Variants in TET3 observed in about 807,000 individuals in gnomAD.
TET3 encodes the protein tet methylcytosine dioxygenase 3.
In TET3, 19 loss-of-function variants were observed where a neutral mutation model predicts 141.4. That is an observed-to-expected ratio of 0.13 (90% CI 0.09 to 0.20). The LOEUF is 0.20. Ranked by LOEUF, TET3 falls within the 10% of genes least tolerant of loss-of-function variation. TET3 has a pLI of 1.00. For missense variants in TET3, 1,874 were observed against 2,356.9 expected (o/e 0.80, Z 4.24); for synonymous variants, 1,043 against 980.9 (o/e 1.06, Z -1.18).
the TET3 span, among the ~76,000 whole-genome samples, chr2:74,123,774 G>A: frequency 6.6e-6 from 1 of 151,840 alleles, no homozygotes; most frequent in Admixed American, 6.6e-5. Context: ...GGGAAGTGAG[G>A]AGCGCCTCTT....
chr2:74,074,561 C>T (rs929382902), intron 5 of TET3, among the ~76,000 whole-genome samples: 3 of 152,234 alleles, frequency 2.0e-5, no homozygotes. Context: ...GAGTCTATGG[C>T]TCAGGGGCTG....
In TET3 at chr2:73,988,645, A is replaced by G. The variant is rs193236485; in HGVS notation, c.303+1939A>G. 5.8e-4 allele frequency among the ~76,000 whole-genome samples: 89 copies of G among 152,266 alleles called. No individual in the cohort carries two copies. The East Asian group carries it at 0.013, about 22-fold the overall frequency. ...ATCCCTGTTGACCTTGCCATGGCCA[A>G]CTGCCTCTCTAAGCCCCAGGGTCAG... On this transcript the variant is annotated intron_variant, in intron 2 of 11. Transcript: ENST00000409262.
In TET3 at chr2:74,092,429, T is replaced by TCTGGG. The variant is rs569626705; in HGVS notation, c.3040-448_3040-444dup. 1.8e-3 allele frequency among the ~76,000 whole-genome samples: 269 copies of TCTGGG among 152,174 alleles called. 3 individuals are homozygous for TCTGGG. Among genetic ancestry groups the TCTGGG allele is most frequent in the South Asian group, 0.017 (80 of 4,814 alleles). ...TCTGTATTCCTGGCTTATGACAGGC[T>TCTGGG]CTGGGCTGGGCTGGGCTGGGCTGGG... On this transcript the variant is annotated intron_variant, in intron 8 of 11. Coordinates refer to ENST00000409262, the MANE Select transcript of TET3 (RefSeq NM_001287491.2).
chr2:74,054,057 G>A (rs1385638871), intron 4 of TET3, among the ~76,000 whole-genome samples: 1 of 152,140 alleles, frequency 6.6e-6, no homozygotes, highest in African/African-American at 2.4e-5. Context: ...AGTTTATGCA[G>A]ATGAAAGACA....
Position 74,047,274 on chromosome 2 carries a change from C to A in TET3, c.1357C>A (p.Pro453Thr), listed in dbSNP as rs370240206. 1 of 1,613,910 alleles carries A rather than the reference C, an allele frequency of 6.2e-7. No individual in the cohort carries two copies. Among genetic ancestry groups the A allele is most frequent in the Non-Finnish European group, 8.5e-7 (1 of 1,179,910 alleles). The stretch of plus-strand genomic sequence containing the variant: ...AACGCCCCGGAGCTCCTGGCCCATG[C>A]CTCGCCCAAGCCCCGATCCCATGGC... ...PATPRSSWPM[P>T]RPSPDPMAEL... Residue 453 changes from proline (P) to threonine (T), a missense_variant, in exon 4 of 12, where the codon CCT becomes ACT. Pro to Thr is a conservative substitution (Grantham distance 38). Coordinates refer to ENST00000409262, the MANE Select transcript of TET3 (RefSeq NM_001287491.2).
chr2:74,020,182 G>A (rs187836994), intron 3 of TET3, among the ~76,000 whole-genome samples: 6 of 152,140 alleles, frequency 3.9e-5, no homozygotes, highest in East Asian at 1.9e-4. Flanking sequence ...TTACCATAGC[G>A]TTTGCATTTG....
chr2:74,041,101 C>A (rs1687314305), intron 3 of TET3, among the ~76,000 whole-genome samples: 1 of 152,154 alleles, frequency 6.6e-6, no homozygotes, highest in Non-Finnish European at 1.5e-5. Context: ...TCCGCATCTC[C>A]ATTGATAAGA....
chr2:74,103,651 G>A lies in TET3; in HGVS notation c.*1475G>A, dbSNP rs1691351330. The A allele has an allele frequency of 1.3e-5, 2 of 152,734 alleles. No individual in the cohort carries two copies. The highest frequency in any genetic ancestry group is 4.8e-5 in the African/African-American group (2 of 41,418). The allele number at this position is 152,734 out of a possible 1,614,324, so 9.5% of individuals were successfully genotyped here. On this transcript the variant is annotated 3_prime_UTR_variant, in exon 12 of 12. Transcript: ENST00000409262. Reference sequence around the variant, plus strand: ...CGGTTCTTTGAAATGAGAATGTGGTGCTTAATTTTTGTGACGTTGTCGAGA... The same window carrying A: ...CGGTTCTTTGAAATGAGAATGTGGTACTTAATTTTTGTGACGTTGTCGAGA...
At chr2:74,030,612 T>G (rs1048803919) in intron 3 of TET3, among the ~76,000 whole-genome samples, 2 of 152,222 alleles carry the variant, frequency 1.3e-5, no homozygotes, top group Non-Finnish European at 2.9e-5. Context: ...ATTTATTTAC[T>G]TATTTATTTT....
At chr2:74,090,816 A>G (rs557635770) in intron 8 of TET3, among the ~76,000 whole-genome samples, 7 of 152,342 alleles carry the variant, frequency 4.6e-5, no homozygotes, top group Non-Finnish European at 1.0e-4. Context: ...GGAAGGCACA[A>G]GCCTATCCAG....
intron 5 of TET3, among the ~76,000 whole-genome samples, chr2:74,078,464 A>G (rs1464333881): frequency 6.6e-6 from 1 of 152,212 alleles, no homozygotes; most frequent in Non-Finnish European, 1.5e-5. Flanking sequence ...ATGTCAGTAC[A>G]TACAATTCTA....
In TET3 at chr2:74,047,587, C is replaced by A. The variant is rs765245775; in HGVS notation, c.1670C>A (p.Pro557His). 6.2e-7 allele frequency: 1 copy of A among 1,613,960 alleles called. No individual in the cohort carries two copies. Among genetic ancestry groups the A allele is most frequent in the African/African-American group, 1.3e-5 (1 of 75,064 alleles). ...SFPAPSEPSA[P>H]GWWPPPSSPV... ...CCTGCTCCTTCAGAGCCTTCTGCTC[C>A]TGGCTGGTGGCCCCCACCAAGTTCA... The change falls in exon 4 of 12, where the codon CCT (proline) becomes CAT (histidine). Residue 557 changes from proline (P) to histidine (H), a missense_variant. Pro to His is a moderately conservative substitution (Grantham distance 77). Coordinates refer to ENST00000409262, the MANE Select transcript of TET3 (RefSeq NM_001287491.2).
chr2:74,101,271 G>C lies in TET3; in HGVS notation c.4483G>C (p.Gly1495Arg), dbSNP rs201927778. Residue 1495 changes from glycine to arginine, a missense_variant, in exon 12 of 12, where the codon GGT (glycine) becomes CGT (arginine). Physicochemically the swap from Gly to Arg is moderately radical, Grantham distance 125. This residue lies in a region of TET3 where 602 missense variants were observed against 590.2 expected (regional missense o/e 1.02). Transcript: ENST00000409262. This position sits in a 1 kb window ranked among gnomAD's most constrained non-coding sequence, Gnocchi z 8.5. ...FTDGQWGLFPGEGQQAASHSG... is the reference protein window; with the variant it reads ...FTDGQWGLFPREGQQAASHSG... ...AGATGGCCAGTGGGGGCTGTTCCCC[G>C]GTGAGGGGCAGCAGGCAGCTTCCCA... The C allele has an allele frequency of 1.2e-6, 2 of 1,612,464 alleles. No homozygotes were observed. Among genetic ancestry groups the C allele is most frequent in the South Asian group, 1.1e-5 (1 of 90,788 alleles).
At position 74,106,980 on chromosome 2, in the gene TET3, C is replaced by T. The variant is rs1691534427; in HGVS notation, c.*4804C>T. ...GAATAAAATGTGAATTTCCTATGCC[C>T]ATCTCATTGAGCTTTCTCAGTCATT... On this transcript the variant is annotated 3_prime_UTR_variant, in exon 12 of 12. Transcript: ENST00000409262. 2 of 152,208 alleles carry T rather than the reference C, an allele frequency of 1.3e-5. No homozygotes were observed. Among genetic ancestry groups the T allele is most frequent in the Middle Eastern group, 3.2e-3 (1 of 316 alleles). The allele number at this position is 152,208 out of a possible 1,614,324, so 9.4% of individuals were successfully genotyped here.
At chr2:73,997,209 A>G (rs1684637553) in intron 2 of TET3, among the ~76,000 whole-genome samples, 2 of 152,350 alleles carry the variant, frequency 1.3e-5, no homozygotes, top group South Asian at 2.1e-4. Flanking sequence ...GGGTGGGGGA[A>G]GTCTCAGGAA....
chr2:74,050,930 T>A (rs1396387874), intron 4 of TET3, among the ~76,000 whole-genome samples: 1 of 152,084 alleles, frequency 6.6e-6, no homozygotes, highest in Non-Finnish European at 1.5e-5. Flanking sequence ...TGAGTGCCTT[T>A]TACCTCCGAG....
At chr2:74,092,854 CT>C in intron 8 of TET3, 47 bp from the exon 9 acceptor site, 1 of 1,513,534 alleles carries the variant, frequency 6.6e-7, no homozygotes, top group Non-Finnish European at 9.0e-7. Flanking sequence ...GGTGCAGGGT[CT>C]GCCAGGCGGG....
chr2:74,121,120 TA>T, the TET3 span: 2 of 152,168 alleles, frequency 1.3e-5, no homozygotes, highest in East Asian at 3.9e-4. Flanking sequence ...CCATATGTTT[TA>T]AAAACACGTT....
intron 2 of TET3, among the ~76,000 whole-genome samples, chr2:73,990,873 A>G (rs551490917): frequency 2.0e-5 from 3 of 152,302 alleles, no homozygotes; most frequent in East Asian, 3.9e-4. Flanking sequence ...TCTCAGCATC[A>G]AAGGGAGAAT....
Sources: gnomAD v4.1 joint callset for allele counts (sites outside exome capture counted in the v4.1 genomes callset) on GRCh38, gnomAD v4.1.1 for gene constraint, gnomAD v4.1.1 regional missense constraint, Gnocchi (gnomAD v3.1) non-coding constraint, MANE v1.5 for transcripts, NCBI Gene and HGNC (gene_info 2026-07-23, HGNC 2026-07-21) for gene names.